CTNNA3: variants seen among roughly 807,000 people sequenced by gnomAD.
CTNNA3 encodes the protein catenin alpha-3.
A neutral mutation model predicts 95.7 loss-of-function variants in CTNNA3; 76 were observed. That is an observed-to-expected ratio of 0.79 (90% CI 0.66 to 0.96). CTNNA3 has a LOEUF of 0.96. CTNNA3 is among the 40% of genes least tolerant of loss of function. CTNNA3 has a pLI of 0.00. For missense variants in CTNNA3, 1,191 were observed against 1,089.8 expected (o/e 1.09, Z -1.31); for synonymous variants, 431 against 374.4 (o/e 1.15, Z -1.74).
chr10:66,856,638 T>C (rs1229146508), intron 7 of CTNNA3, among the ~76,000 whole-genome samples: 1 of 152,138 alleles, frequency 6.6e-6, no homozygotes. Context: ...GTGGTTTTGA[T>C]TTGCAATTCT....
At chr10:66,340,506 T>A (rs941120936) in intron 12 of CTNNA3, among the ~76,000 whole-genome samples, 2 of 151,876 alleles carry the variant, frequency 1.3e-5, no homozygotes, top group Admixed American at 1.3e-4. Flanking sequence ...ATTTTCTATA[T>A]TTGTTTTAAA....
intron 5 of CTNNA3, among the ~76,000 whole-genome samples, chr10:67,225,982 G>T (rs1864895067): frequency 6.6e-6 from 1 of 152,098 alleles, no homozygotes; most frequent in Non-Finnish European, 1.5e-5. Context: ...AACAATACAA[G>T]AAGTGAAGGG....
intron 14 of CTNNA3, among the ~76,000 whole-genome samples, chr10:66,083,714 T>C (rs7096109): frequency 6.6e-6 from 1 of 152,036 alleles, no homozygotes; most frequent in South Asian, 2.1e-4. Flanking sequence ...CCATTACTGA[T>C]CACCCAGGTA....
At chr10:67,240,279 TC>T (rs1865667337) in intron 5 of CTNNA3, among the ~76,000 whole-genome samples, 1 of 152,228 alleles carries the variant, frequency 6.6e-6, no homozygotes, top group African/African-American at 2.4e-5. Context: ...TCCAGTCTTC[TC>T]TCTGCCAAGA....
chr10:66,259,203 G>A (rs1052796440), intron 13 of CTNNA3, among the ~76,000 whole-genome samples: 5 of 152,092 alleles, frequency 3.3e-5, no homozygotes, highest in African/African-American at 1.2e-4. Flanking sequence ...CCTCTTAATG[G>A]AATCGTTTCT....
intron 13 of CTNNA3, among the ~76,000 whole-genome samples, chr10:66,152,047 A>G (rs868290759): frequency 1.3e-5 from 2 of 151,986 alleles, no homozygotes; most frequent in Middle Eastern, 3.2e-3. Flanking sequence ...TATTGTATCT[A>G]TGCTTATTCT....
chr10:66,289,246 C>T lies in CTNNA3; in HGVS notation c.1733-8625G>A, dbSNP rs149833406. On this transcript the variant is annotated intron_variant, in intron 12 of 17. Transcript: ENST00000433211. ...TTATTTTCCGCATTAGCTGTATTTC[C>T]CATGGAAGCATAAGAGCTTCCTATA... is the stretch of plus-strand genomic sequence containing the variant. Among the ~76,000 whole-genome samples the T allele has an allele frequency of 5.3e-5, 8 of 151,232 alleles. No individual in the cohort carries two copies. In the East Asian group the frequency reaches 1.2e-3, roughly 22 times the overall value.
chr10:66,423,038 A>T (rs57084890), intron 11 of CTNNA3, among the ~76,000 whole-genome samples: 2 of 151,902 alleles, frequency 1.3e-5, no homozygotes, highest in African/African-American at 4.8e-5. Context: ...ACCTGGTGGT[A>T]GTTTTACAGC....
At chr10:66,943,384 A>G (rs531632745) in intron 7 of CTNNA3, among the ~76,000 whole-genome samples, 1 of 152,148 alleles carries the variant, frequency 6.6e-6, no homozygotes, top group Non-Finnish European at 1.5e-5. Flanking sequence ...CTCTTAAATT[A>G]GAAACTGACT....
At chr10:65,989,862 C>G (rs2078503873) in intron 15 of CTNNA3, among the ~76,000 whole-genome samples, 2 of 152,002 alleles carry the variant, frequency 1.3e-5, no homozygotes, top group Admixed American at 1.3e-4. Flanking sequence ...TCTTATCCCC[C>G]CAATCCCCAA....
intron 12 of CTNNA3, among the ~76,000 whole-genome samples, chr10:66,334,512 G>C (rs1564876469): frequency 6.6e-6 from 1 of 150,864 alleles, no homozygotes; most frequent in Non-Finnish European, 1.5e-5. Context: ...GGCTGGATGT[G>C]AAATTCTGGG....
At chr10:66,305,949 A>G (rs1229977777) in intron 12 of CTNNA3, among the ~76,000 whole-genome samples, 1 of 152,218 alleles carries the variant, frequency 6.6e-6, no homozygotes, top group African/African-American at 2.4e-5. Context: ...TGTTGAGTGA[A>G]CAGTATCCAA....
intron 13 of CTNNA3, among the ~76,000 whole-genome samples, chr10:66,223,644 T>C (rs985725606): frequency 3.3e-5 from 5 of 152,168 alleles, no homozygotes; most frequent in Admixed American, 6.5e-5. Context: ...GGTTTACAAG[T>C]ATAAGTTACC....
chr10:67,605,738 GTGT>G, intron 3 of CTNNA3, among the ~76,000 whole-genome samples: 1 of 152,102 alleles, frequency 6.6e-6, no homozygotes, highest in African/African-American at 2.4e-5. Flanking sequence ...GAGTACAATG[GTGT>G]GATCTCGGCT....
intron 2 of CTNNA3, among the ~76,000 whole-genome samples, chr10:67,630,633 G>C (rs918484066): frequency 6.6e-6 from 1 of 152,148 alleles, no homozygotes; most frequent in African/African-American, 2.4e-5. Flanking sequence ...CAAGGGGACA[G>C]GTGGGAGACA....
intron 2 of CTNNA3, among the ~76,000 whole-genome samples, chr10:67,623,463 G>C (rs1843916247): frequency 6.6e-6 from 1 of 152,082 alleles, no homozygotes; most frequent in South Asian, 2.1e-4. Flanking sequence ...GACGAGAGTG[G>C]GGTGTAGCAG....
rs574385228 is a variant in CTNNA3 at position 67,187,501 on chromosome 10, CAT to C, written c.844-6983_844-6982del. Among the ~76,000 whole-genome samples, 370 of 152,186 alleles carry C rather than the reference CAT, an allele frequency of 2.4e-3. 2 individuals carry two copies. Among genetic ancestry groups the C allele is most frequent in the Non-Finnish European group, 6.6e-4 (45 of 68,000 alleles). On this transcript the variant is annotated intron_variant, in intron 6 of 17. Transcript: ENST00000433211. ...TTCTCCTCCTTGTCTTCAAGGAAGACATAGTCTTTCTCTCTCATCATTTTCTT... is the reference window on the plus strand; with the variant it reads ...TTCTCCTCCTTGTCTTCAAGGAAGACAGTCTTTCTCTCTCATCATTTTCTT...
intron 9 of CTNNA3, among the ~76,000 whole-genome samples, chr10:66,662,281 T>G (rs1168685534): frequency 6.6e-6 from 1 of 152,200 alleles, no homozygotes; most frequent in Non-Finnish European, 1.5e-5. Flanking sequence ...AAGACATACA[T>G]TCTTGCAATG....
At chr10:66,543,237 T>C (rs1018376840) in intron 10 of CTNNA3, among the ~76,000 whole-genome samples, 2 of 151,866 alleles carry the variant, frequency 1.3e-5, no homozygotes, top group African/African-American at 4.8e-5. Context: ...GGATTACAGG[T>C]CTCTGCCACT....
Sources: allele counts gnomAD v4.1 joint callset (sites outside exome capture counted in the v4.1 genomes callset), GRCh38; gene constraint gnomAD v4.1.1; transcripts MANE v1.5; gene names NCBI Gene and HGNC (gene_info 2026-07-23, HGNC 2026-07-21).